The following FOXP2 variants were observed in gnomAD, a reference collection of about 807,000 sequenced individuals.
The protein encoded by FOXP2 is forkhead box P2, also known as forkhead box protein P2.
FOXP2 carries 12 observed loss-of-function variants against 115.8 expected under a neutral mutation model. The observed-to-expected ratio is 0.10, with a 90% CI of 0.07 to 0.17. FOXP2 has a LOEUF of 0.17. Among genes scored for constraint, FOXP2 ranks in the 10% least tolerant of loss-of-function variants. FOXP2 has a pLI of 1.00. For missense variants in FOXP2, 629 were observed against 843.5 expected, an observed-to-expected ratio of 0.75 and a Z score of 3.15; for synonymous variants, 328 against 297.7, an observed-to-expected ratio of 1.10 and a Z score of -1.05.
chr7:114,556,252 G>C (rs980246763), intron 3 of FOXP2, among the ~76,000 whole-genome samples: 2 of 152,154 alleles, frequency 1.3e-5, no homozygotes, highest in Non-Finnish European at 2.9e-5. Context: ...ATCATAATCA[G>C]AGATGCCAAC....
intron 2 of FOXP2, among the ~76,000 whole-genome samples, chr7:114,503,394 G>T (rs1797654454): frequency 6.6e-6 from 1 of 151,528 alleles, no homozygotes; most frequent in African/African-American, 2.4e-5. Flanking sequence ...GCTATCTAAG[G>T]ATGACAATGG....
intron 16 of FOXP2, among the ~76,000 whole-genome samples, chr7:114,672,456 G>T (rs1807540505): frequency 6.6e-6 from 1 of 151,908 alleles, no homozygotes; most frequent in Non-Finnish European, 1.5e-5. Flanking sequence ...ACGGTGGTGG[G>T]GGCCTGTAAT....
chr7:114,160,782 C>CTGTGTGTGTGTG (rs34540150), upstream of FOXP2, among the ~76,000 whole-genome samples: 8,638 of 147,296 alleles, frequency 0.059, 503 homozygotes, highest in African/African-American at 0.15. Flanking sequence ...AGTATATTTT[C>CTGTGTGTGTGTG]TGTGTGTGTG....
chr7:114,678,963 C>A (rs1481144954), intron 16 of FOXP2, among the ~76,000 whole-genome samples: 1 of 152,138 alleles, frequency 6.6e-6, no homozygotes, highest in Admixed American at 6.6e-5. Flanking sequence ...GCTCTTCTAT[C>A]TCCTTGGTAG....
chr7:114,644,509 T>C (rs1805759869), intron 7 of FOXP2, among the ~76,000 whole-genome samples, 176 bp from the exon 8 acceptor site: 2 of 152,216 alleles, frequency 1.3e-5, no homozygotes, highest in Non-Finnish European at 2.9e-5. Context: ...AATTGGAACA[T>C]CATCTAGCCT....
chr7:114,482,484 T>G (rs551088955), intron 2 of FOXP2, among the ~76,000 whole-genome samples: 2 of 151,724 alleles, frequency 1.3e-5, no homozygotes, highest in South Asian at 4.1e-4. Context: ...TATTATTTTA[T>G]ATGTTTTATA....
intron 3 of FOXP2, among the ~76,000 whole-genome samples, chr7:114,567,058 G>C (rs1289028997): frequency 2.0e-5 from 3 of 151,998 alleles, no homozygotes; most frequent in African/African-American, 7.2e-5. Flanking sequence ...TCATATAGGA[G>C]AGTCTTTAGT....
intron 3 of FOXP2, among the ~76,000 whole-genome samples, chr7:114,582,433 C>T (rs1041941890): frequency 9.2e-5 from 14 of 152,094 alleles, no homozygotes; most frequent in Non-Finnish European, 1.5e-4. Context: ...AAAGGGTGTA[C>T]TTATTGCTGC....
intron 1 of FOXP2, among the ~76,000 whole-genome samples, chr7:114,138,059 T>C (rs906036754): frequency 6.6e-6 from 1 of 152,130 alleles, no homozygotes; most frequent in Admixed American, 6.5e-5. Flanking sequence ...TTTTAAAATT[T>C]GGAAAATAAA....
chr7:114,466,627 T>C (rs1222896897), intron 2 of FOXP2, among the ~76,000 whole-genome samples: 1 of 152,188 alleles, frequency 6.6e-6, no homozygotes, highest in Admixed American at 6.5e-5. Flanking sequence ...CAATCTTGGA[T>C]TTGTAAGCTG....
chr7:114,232,192 AAAAAC>A (rs1187530919), intron 1 of FOXP2, among the ~76,000 whole-genome samples: 1 of 152,174 alleles, frequency 6.6e-6, no homozygotes, highest in Non-Finnish European at 1.5e-5. Context: ...GGCCATTATA[AAAAAC>A]AAAACAAAAC....
intron 2 of FOXP2, among the ~76,000 whole-genome samples, chr7:114,303,649 T>C (rs1415364869): frequency 6.6e-6 from 1 of 152,186 alleles, no homozygotes; most frequent in African/African-American, 2.4e-5. Flanking sequence ...TTTCTATTTG[T>C]TGTCTGCCTT....
At chr7:114,221,671 G>C (rs909736413) in intron 1 of FOXP2, among the ~76,000 whole-genome samples, 28 of 152,132 alleles carry the variant, frequency 1.8e-4, no homozygotes, top group Non-Finnish European at 5.9e-5. Context: ...TCCTATTTCA[G>C]AAGTGGAATT....
chr7:114,541,641 G>A (rs1317291290), intron 3 of FOXP2, among the ~76,000 whole-genome samples: 1 of 151,592 alleles, frequency 6.6e-6, no homozygotes, highest in Admixed American at 6.6e-5. Context: ...ATAGAAAATA[G>A]GGAATTAATA....
intron 6 of FOXP2, among the ~76,000 whole-genome samples, chr7:114,639,400 T>G (rs1805400973): frequency 6.6e-6 from 1 of 152,138 alleles, no homozygotes; most frequent in African/African-American, 2.4e-5. Flanking sequence ...GCAGTGGAGA[T>G]ACACCAGTAA....
intron 1 of FOXP2, among the ~76,000 whole-genome samples, chr7:114,420,147 G>A (rs1367438989): frequency 6.6e-6 from 1 of 151,898 alleles, no homozygotes; most frequent in African/African-American, 2.4e-5. Context: ...GAGGGTTAAG[G>A]AAAGATATGT....
intron 2 of FOXP2, among the ~76,000 whole-genome samples, chr7:114,350,509 G>A (rs1791458929): frequency 6.6e-6 from 1 of 152,028 alleles, no homozygotes. Context: ...AATGTAACTT[G>A]CAGGGTACTG....
intron 3 of FOXP2, among the ~76,000 whole-genome samples, chr7:114,610,100 A>G (rs1029186456): frequency 6.6e-6 from 1 of 152,234 alleles, no homozygotes; most frequent in Non-Finnish European, 1.5e-5. Flanking sequence ...ATCATGATGC[A>G]TATCTGTTGT....
intron 2 of FOXP2, among the ~76,000 whole-genome samples, chr7:114,480,229 C>T (rs1288383334): frequency 1.3e-5 from 2 of 151,356 alleles, no homozygotes; most frequent in East Asian, 1.9e-4. Flanking sequence ...AGACACTTGC[C>T]AAGGGTAATT....
Sources: allele counts gnomAD v4.1 joint callset (sites outside exome capture counted in the v4.1 genomes callset), GRCh38; gene constraint gnomAD v4.1.1; transcripts MANE v1.5; gene names NCBI Gene and HGNC (gene_info 2026-07-23, HGNC 2026-07-21).